Variants in NOX3 observed in about 807,000 individuals in gnomAD.
NOX3 encodes NADPH oxidase 3.
A neutral mutation model predicts 76.7 loss-of-function variants in NOX3; 74 were observed. The observed-to-expected ratio is 0.96, with a 90% CI of 0.80 to 1.17. NOX3 has a LOEUF of 1.17. Ranked by LOEUF, NOX3 falls within the 50% of genes most tolerant of loss-of-function variation. The pLI, the probability that NOX3 is intolerant of heterozygous loss-of-function variation, is 0.00. For missense variants in NOX3, 695 were observed against 703.3 expected (o/e 0.99, Z 0.13); for synonymous variants, 263 against 261.1 (o/e 1.01, Z -0.07).
chr6:155,440,336 T>C (rs545242109), intron 5 of NOX3, among the ~76,000 whole-genome samples, 199 bp from the exon 6 acceptor site: 7 of 152,138 alleles, frequency 4.6e-5, no homozygotes, highest in African/African-American at 1.4e-4. Flanking sequence ...AGCTTACTCT[T>C]CCACCCCCTT....
At chr6:155,420,386 A>G (rs231947) in intron 10 of NOX3, among the ~76,000 whole-genome samples, 76,229 of 152,044 alleles carry the variant, frequency 0.5, 19,584 homozygotes, top group East Asian at 0.75. Flanking sequence ...CTTGGTAGGC[A>G]GCAAGAGGGA....
At chr6:155,401,152 T>G (rs1384253742) in intron 12 of NOX3, among the ~76,000 whole-genome samples, 1 of 152,182 alleles carries the variant, frequency 6.6e-6, no homozygotes, top group African/African-American at 2.4e-5. Context: ...TTTTGCAGTA[T>G]AATGATAAAT....
intron 11 of NOX3, among the ~76,000 whole-genome samples, chr6:155,408,993 C>A (rs769255630): frequency 1.2e-4 from 19 of 152,096 alleles, no homozygotes; most frequent in Non-Finnish European, 2.5e-4. Flanking sequence ...GACAAAGAAC[C>A]TACTGGGTAT....
At chr6:155,416,522 T>C (rs1776623235) in intron 10 of NOX3, among the ~76,000 whole-genome samples, 1 of 152,198 alleles carries the variant, frequency 6.6e-6, no homozygotes. Flanking sequence ...GATACAGTTA[T>C]AAAATTGTTT....
At chr6:155,429,658 A>G (rs973164395) in intron 8 of NOX3, among the ~76,000 whole-genome samples, 2 of 152,182 alleles carry the variant, frequency 1.3e-5, no homozygotes, top group Admixed American at 6.5e-5. Flanking sequence ...TAGTGTTTAT[A>G]AAAGCTTTAT....
At chr6:155,411,480 T>C (rs1195512954) in intron 10 of NOX3, 120 bp from the exon 11 acceptor site, 4 of 859,828 alleles carry the variant, frequency 4.7e-6, no homozygotes, top group Non-Finnish European at 5.0e-6. Flanking sequence ...CAAAATAACA[T>C]GCTTTTTTTT....
intron 4 of NOX3, among the ~76,000 whole-genome samples, chr6:155,447,048 C>CT (rs34046104): frequency 0.073 from 10,516 of 143,760 alleles, 454 homozygotes; most frequent in African/African-American, 0.12. Flanking sequence ...TATTTTATAA[C>CT]TTTTTTTTTT....
At chr6:155,442,996 A>G (rs1268899816) in intron 5 of NOX3, among the ~76,000 whole-genome samples, 1 of 152,212 alleles carries the variant, frequency 6.6e-6, no homozygotes, top group Admixed American at 6.5e-5. Context: ...ATTTTAAAAT[A>G]TTAGGAATTT....
intron 7 of NOX3, among the ~76,000 whole-genome samples, chr6:155,434,138 G>T (rs1242215283): frequency 2.6e-5 from 4 of 152,124 alleles, no homozygotes; most frequent in Non-Finnish European, 5.9e-5. Flanking sequence ...CCTGGGGCAG[G>T]TCCCACGTGT....
rs188932375 is a variant in NOX3 at position 155,413,408 on chromosome 6, C to T, written c.1309-2048G>A. ...TTGGGGCCGTTGTAGACTTTCCCTC[C>T]GAGAGACAGGAAAGCACAGGGAGTT... On this transcript the variant is annotated intron_variant, in intron 10 of 13. Transcript: ENST00000159060. Among the ~76,000 whole-genome samples, 4 of 151,824 alleles carry T rather than the reference C, an allele frequency of 2.6e-5. No individual in the cohort carries two copies. The East Asian group carries it at 5.8e-4, about 22-fold the overall frequency.
Position 155,403,157 on chromosome 6 carries a change from G to A in NOX3, c.1580+3973C>T, listed in dbSNP as rs920056235. ...ATACTTCTCAATATTAGATTTTCTTGTTTAAAAATTAGATTTTATTGGCAT... is the reference window on the plus strand; with the variant it reads ...ATACTTCTCAATATTAGATTTTCTTATTTAAAAATTAGATTTTATTGGCAT... On this transcript the variant is annotated intron_variant, in intron 12 of 13. Coordinates refer to ENST00000159060, the MANE Select transcript of NOX3 (RefSeq NM_015718.3). 2.0e-5 allele frequency among the ~76,000 whole-genome samples: 3 copies of A among 152,250 alleles called. No homozygotes were observed. In the East Asian group the frequency reaches 5.8e-4, roughly 29 times the overall value.
At chr6:155,423,925 TAG>T (rs1396312913) in intron 9 of NOX3, among the ~76,000 whole-genome samples, 1 of 152,068 alleles carries the variant, frequency 6.6e-6, no homozygotes, top group Non-Finnish European at 1.5e-5. Flanking sequence ...GTATTTTTCA[TAG>T]AGACGAGGTT....
chr6:155,447,132 G>A (rs1393264783), intron 4 of NOX3, among the ~76,000 whole-genome samples: 3 of 150,466 alleles, frequency 2.0e-5, no homozygotes, highest in African/African-American at 7.4e-5. Context: ...TGCAAACTCT[G>A]CCTCTCGGGT....
chr6:155,443,694 G>A (rs900597842), intron 4 of NOX3, among the ~76,000 whole-genome samples: 1 of 151,806 alleles, frequency 6.6e-6, no homozygotes, highest in Middle Eastern at 3.4e-3. Flanking sequence ...CATGGAAGTG[G>A]AATAAATGTT....
At chr6:155,412,849 G>A (rs58381957) in intron 10 of NOX3, among the ~76,000 whole-genome samples, 7,681 of 152,176 alleles carry the variant, frequency 0.05, 609 homozygotes, top group African/African-American at 0.16. Context: ...ACAAGACAGG[G>A]CCAAAAAAAA....
intron 7 of NOX3, among the ~76,000 whole-genome samples, chr6:155,433,660 C>T (rs1174216248): frequency 1.3e-5 from 2 of 152,178 alleles, no homozygotes; most frequent in African/African-American, 4.8e-5. Flanking sequence ...CAGCAGAGTG[C>T]TGACAAAATG....
chr6:155,449,952 C>T lies in NOX3; in HGVS notation c.340+3452G>A, dbSNP rs118129999. On this transcript the variant is annotated intron_variant, in intron 4 of 13. Coordinates refer to ENST00000159060, the MANE Select transcript of NOX3 (RefSeq NM_015718.3). ...AAACCAAGGCTTAGCATTTTTTTTC[C>T]TCCCAAAAGCGCAGTTGCCAGACGC... Among the ~76,000 whole-genome samples, 381 of 152,244 alleles carry T rather than the reference C, an allele frequency of 2.5e-3. 2 individuals are homozygous for T. Among genetic ancestry groups the T allele is most frequent in the South Asian group, 4.1e-3 (20 of 4,822 alleles).
At chr6:155,423,075 C>T (rs921700009) in intron 9 of NOX3, among the ~76,000 whole-genome samples, 1 of 152,204 alleles carries the variant, frequency 6.6e-6, no homozygotes, top group Non-Finnish European at 1.5e-5. Context: ...GGCCCAGGCA[C>T]TGTTCATGGA....
chr6:155,399,286 C>T (rs1779179901), intron 12 of NOX3, among the ~76,000 whole-genome samples: 1 of 152,208 alleles, frequency 6.6e-6, no homozygotes, highest in Admixed American at 6.5e-5. Context: ...TCGTTTGCAG[C>T]AACAGTAACT....
Sources: allele counts gnomAD v4.1 joint callset (sites outside exome capture counted in the v4.1 genomes callset), GRCh38; gene constraint gnomAD v4.1.1; transcripts MANE v1.5; gene names NCBI Gene and HGNC (gene_info 2026-07-23, HGNC 2026-07-21).